The following EXD2 variants were observed in gnomAD, a reference collection of about 807,000 sequenced individuals.
EXD2 encodes exonuclease 3'-5' domain-containing protein 2.
A neutral mutation model predicts 62.5 loss-of-function variants in EXD2; 40 were observed. The ratio of observed to expected loss-of-function variants is 0.64; its 90% CI spans 0.50 to 0.83. The LOEUF (loss-of-function observed/expected upper bound fraction) is 0.83, where lower values mean the gene tolerates loss of function less well. Among genes scored for constraint, EXD2 ranks in the 40% least tolerant of loss-of-function variants. The pLI is 0.00. For missense variants in EXD2, 671 were observed against 761.8 expected (o/e 0.88, Z 1.40); for synonymous variants, 239 against 291.9 (o/e 0.82, Z 1.85).
intron 2 of EXD2, chr14:69,209,218 G>A (rs2042721333): frequency 3.4e-6 from 1 of 294,794 alleles, no homozygotes; most frequent in Admixed American, 4.7e-5. Flanking sequence ...GAGATTTCCT[G>A]GGGTGAGGAT....
rs142856571 is a variant in EXD2 at position 69,229,026 on chromosome 14, G to A, written c.544G>A (p.Val182Ile). The A allele has an allele frequency of 4.0e-4, 644 of 1,614,194 alleles. 2 individuals are homozygous for A. Among genetic ancestry groups the A allele is most frequent in the Middle Eastern group, 1.6e-3 (10 of 6,062 alleles). ...ASKLLQDYGLVVRGCLDLRYL... is the reference protein window; with the variant it reads ...ASKLLQDYGLIVRGCLDLRYL... ...CAAGCTTCTGCAGGATTATGGCCTC[G>A]TTGTTAGGGGGTGCCTGGACCTCCG... Residue 182 changes from valine to isoleucine, a missense_variant, in exon 4 of 10, where the codon GTT becomes ATT. By Grantham distance (29) the Val-to-Ile change is conservative. Transcript: ENST00000685843.
Position 69,209,819 on chromosome 14 carries a change from A to T in EXD2, c.333+16A>T. Reference sequence around the variant, plus strand: ...CTGTGAGTGGGTAAGTTAAAAAGCAAAAGTTAAAAAAAAAAAAAAAAAACA... The same window carrying T: ...CTGTGAGTGGGTAAGTTAAAAAGCATAAGTTAAAAAAAAAAAAAAAAAACA... On this transcript the variant is annotated intron_variant, in intron 3 of 9. Transcript: ENST00000685843. The T allele has an allele frequency of 7.1e-7, 1 of 1,414,124 alleles. No individual in the cohort carries two copies. Among genetic ancestry groups the T allele is most frequent in the East Asian group, 2.6e-5 (1 of 38,988 alleles). 87.6% of individuals were successfully genotyped at this position (1,414,124 alleles called of 1,614,324 possible). A position where few individuals can be genotyped will look rare whatever the true frequency, so the allele number is the denominator to read the frequency against.
At position 69,202,270 on chromosome 14, in the gene EXD2, G is replaced by T. The variant is rs77976301; in HGVS notation, c.-131-1647G>T. Among the ~76,000 whole-genome samples, 700 of 148,298 alleles carry T rather than the reference G, an allele frequency of 4.7e-3. 6 individuals are homozygous for T. The highest frequency in any genetic ancestry group is 0.014 in the Middle Eastern group (4 of 294). On this transcript the variant is annotated intron_variant, in intron 1 of 9. Coordinates refer to ENST00000685843, the MANE Select transcript of EXD2 (RefSeq NM_001193360.2). ...GCCTGTGGTTGGTCCTAGCTACTTG[G>T]GGGGGTTGAGGTGGGAGGATCACTT...
chr14:69,241,659 A>G lies in EXD2; in HGVS notation c.*559A>G. 2.6e-6 allele frequency: 1 copy of G among 391,948 alleles called. No homozygotes were observed. The highest frequency in any genetic ancestry group is 2.1e-5 in the African/African-American group (1 of 48,612). The allele number at this position is 391,948 out of a possible 1,614,324, so 24.3% of individuals were successfully genotyped here. ...GGTTGGGATCCATCCCATCTGGGTCACTTCAGTCTACTTCACGTACTTGAA... is the reference window on the plus strand; with the variant it reads ...GGTTGGGATCCATCCCATCTGGGTCGCTTCAGTCTACTTCACGTACTTGAA... On this transcript the variant is annotated 3_prime_UTR_variant, in exon 10 of 10. Transcript: ENST00000685843.
intron 4 of EXD2, among the ~76,000 whole-genome samples, 156 bp from the exon 5 acceptor site, chr14:69,230,316 G>A (rs990554868): frequency 1.3e-5 from 2 of 152,204 alleles, no homozygotes; most frequent in Admixed American, 6.6e-5. Context: ...GATTTATAAA[G>A]TGTTTCACAA....
intron 1 of EXD2, among the ~76,000 whole-genome samples, chr14:69,197,136 A>T (rs924348715): frequency 1.3e-5 from 2 of 152,200 alleles, no homozygotes; most frequent in African/African-American, 4.8e-5. Context: ...CAGAAGGATC[A>T]CTTGAGCCCA....
At chr14:69,228,795 C>G (rs750489391) in intron 3 of EXD2, 21 bp from the exon 4 acceptor site, 24 of 1,599,288 alleles carry the variant, frequency 1.5e-5, no homozygotes, top group Non-Finnish European at 1.8e-5. Flanking sequence ...TGAACCACAA[C>G]CTTGTCTTCC....
intron 3 of EXD2, among the ~76,000 whole-genome samples, chr14:69,220,251 C>CTCTTTTT (rs2043123001): frequency 6.6e-5 from 4 of 60,604 alleles, no homozygotes; most frequent in African/African-American, 2.8e-4. Context: ...TTTTGTCTCT[C>CTCTTTTT]TGTTTTTTTT....
chr14:69,200,701 C>G (rs540598361), intron 1 of EXD2, among the ~76,000 whole-genome samples: 16 of 102,808 alleles, frequency 1.6e-4, no homozygotes, highest in Non-Finnish European at 1.5e-4. Flanking sequence ...AGAGCCAGAC[C>G]TTGTCTCCAA....
In EXD2 at chr14:69,234,989, G is replaced by A. The variant is rs772747829; in HGVS notation, c.1007G>A (p.Arg336Lys). 1 of 1,608,636 alleles carries A rather than the reference G, an allele frequency of 6.2e-7. No individual in the cohort carries two copies. The highest frequency in any genetic ancestry group is 1.7e-5 in the Admixed American group (1 of 58,632). ...VPGNHQGRDPRKHKRKPLGVG... is the reference protein window; with the variant it reads ...VPGNHQGRDPKKHKRKPLGVG... ...GGCAACCACCAAGGGAGAGACCCCAGAAAACATAAAAGAAAGCCTCTGGGG... is the reference window on the plus strand; with the variant it reads ...GGCAACCACCAAGGGAGAGACCCCAAAAAACATAAAAGAAAGCCTCTGGGG... Residue 336 changes from arginine to lysine, a missense_variant, in exon 6 of 10, where the codon AGA becomes AAA. Physicochemically the swap from Arg to Lys is conservative, Grantham distance 26 (BLOSUM62 2). Transcript: ENST00000685843.
intron 8 of EXD2, among the ~76,000 whole-genome samples, chr14:69,236,986 G>A (rs1478612173): frequency 4.6e-5 from 7 of 152,188 alleles, no homozygotes; most frequent in East Asian, 1.9e-4. Flanking sequence ...TGAGGCTGCC[G>A]ACTACGTCTG....
intron 8 of EXD2, among the ~76,000 whole-genome samples, chr14:69,236,876 G>A (rs2043813427): frequency 6.6e-6 from 1 of 152,200 alleles, no homozygotes; most frequent in African/African-American, 2.4e-5. Flanking sequence ...TGGCTGACCA[G>A]CTTTTTGAGC....
chr14:69,195,659 T>G (rs1238309861), intron 1 of EXD2, among the ~76,000 whole-genome samples: 1 of 152,132 alleles, frequency 6.6e-6, no homozygotes, highest in Non-Finnish European at 1.5e-5. Flanking sequence ...CCCATACCAA[T>G]TAGAAGTCAG....
At chr14:69,195,941 A>G (rs2042191176) in intron 1 of EXD2, 1 of 152,226 alleles carries the variant, frequency 6.6e-6, no homozygotes, top group East Asian at 1.9e-4. Context: ...ACTTAAAACA[A>G]CAGAGGTTTA....
At chr14:69,213,885 G>A (rs1428236991) in intron 3 of EXD2, 4 of 146,204 alleles carry the variant, frequency 2.7e-5, no homozygotes, top group Admixed American at 7.0e-5. Context: ...GGGTGGTCTC[G>A]ATCTCCTGAC....
At position 69,241,222 on chromosome 14, in the gene EXD2, CCTAGA is replaced by C; in HGVS notation, c.*126_*130del. 1.4e-6 allele frequency: 1 copy of C among 734,082 alleles called. No homozygotes were observed. Among genetic ancestry groups the C allele is most frequent in the Non-Finnish European group, 2.2e-6 (1 of 455,624 alleles). 45.5% of individuals were successfully genotyped at this position (734,082 alleles called of 1,614,324 possible). On this transcript the variant is annotated 3_prime_UTR_variant, in exon 10 of 10. Transcript: ENST00000685843. Reference sequence around the variant, plus strand: ...TGTGTGACACAACTCAGAATACTAACCTAGACTAATCCCAGGATGCTTCTGCTGGA... The same window carrying C: ...TGTGTGACACAACTCAGAATACTAACCTAATCCCAGGATGCTTCTGCTGGA...
intron 3 of EXD2, among the ~76,000 whole-genome samples, chr14:69,220,803 A>G (rs909179082): frequency 1.3e-5 from 2 of 152,028 alleles, no homozygotes; most frequent in Non-Finnish European, 2.9e-5. Flanking sequence ...CGGAAGGCAG[A>G]GGTTGCAGTG....
rs1307129235 is a variant in EXD2 at position 69,232,540 on chromosome 14, A to G, written c.717+1942A>G. ...GTGTATGAGGGTGTCGGGGTTCTGC[A>G]TCCTTGCTGACATTTGTTATTGTCA... On this transcript the variant is annotated intron_variant, in intron 5 of 9. Coordinates refer to ENST00000685843, the MANE Select transcript of EXD2 (RefSeq NM_001193360.2). Among the ~76,000 whole-genome samples the G allele has an allele frequency of 5.9e-5, 9 of 152,144 alleles. 1 individual carries two copies.
In EXD2 at chr14:69,242,019, T is replaced by C. The variant is rs950454760; in HGVS notation, c.*919T>C. The C allele has an allele frequency of 1.3e-5, 5 of 398,480 alleles. No individual in the cohort carries two copies. Among genetic ancestry groups the C allele is most frequent in the African/African-American group, 8.2e-5 (4 of 48,616 alleles). The allele number at this position is 398,480 out of a possible 1,614,324, so 24.7% of individuals were successfully genotyped here. A position where few individuals can be genotyped will look rare whatever the true frequency, so the allele number is the denominator to read the frequency against. On this transcript the variant is annotated 3_prime_UTR_variant, in exon 10 of 10. Coordinates refer to ENST00000685843, the MANE Select transcript of EXD2 (RefSeq NM_001193360.2). ...TGCAAGACTGACCTCTTTTAAGCAT[T>C]TAATTCACTCCCAGAGTCATCTGGT... is the stretch of plus-strand genomic sequence containing the variant.
Sources: gnomAD v4.1 joint callset for allele counts (sites outside exome capture counted in the v4.1 genomes callset) on GRCh38, gnomAD v4.1.1 for gene constraint, MANE v1.5 for transcripts, NCBI Gene and HGNC (gene_info 2026-07-23, HGNC 2026-07-21) for gene names.